ARMC2: variants seen among roughly 807,000 people sequenced by gnomAD.
The protein encoded by ARMC2 is armadillo repeat containing 2.
ARMC2 carries 67 observed loss-of-function variants against 90.3 expected under a neutral mutation model. That is an observed-to-expected ratio of 0.74 (90% CI 0.61 to 0.91). The LOEUF is 0.91. Ranked by LOEUF, ARMC2 falls within the 40% of genes least tolerant of loss-of-function variation. ARMC2 has a pLI of 0.00. For missense variants in ARMC2, 920 were observed against 1,030.9 expected (o/e 0.89, Z 1.47); for synonymous variants, 393 against 393.0 (o/e 1.00, Z 0.00).
At chr6:108,877,123 A>G (rs984122724) in intron 5 of ARMC2, among the ~76,000 whole-genome samples, 3 of 152,246 alleles carry the variant, frequency 2.0e-5, no homozygotes, top group African/African-American at 4.8e-5. Flanking sequence ...GAACTGGACA[A>G]GGTCACTCAG....
the ARMC2 span, among the ~76,000 whole-genome samples, chr6:109,035,309 C>T: frequency 7.2e-5 from 11 of 152,132 alleles, no homozygotes; most frequent in Admixed American, 7.2e-4. Flanking sequence ...CCCCTAACTT[C>T]AGAGAGCTAA....
chr6:108,909,012 A>G lies in ARMC2; in HGVS notation c.1024-1887A>G, dbSNP rs549612261. On this transcript the variant is annotated intron_variant, in intron 8 of 17. Transcript: ENST00000392644. ...TTGAGCCCAGGAAGCAGAGATTGCA[A>G]TGAGCCTAGATCATGCCCTTGCACT... 4.6e-5 allele frequency among the ~76,000 whole-genome samples: 7 copies of G among 152,328 alleles called. No individual in the cohort carries two copies. The South Asian group carries it at 6.2e-4, about 14-fold the overall frequency.
At position 108,868,848 on chromosome 6, in the gene ARMC2, A is replaced by T. The variant is rs1776096842; in HGVS notation, c.316A>T (p.Thr106Ser). 3.7e-6 allele frequency: 6 copies of T among 1,613,214 alleles called. No individual in the cohort carries two copies. Among genetic ancestry groups the T allele is most frequent in the Non-Finnish European group, 5.1e-6 (6 of 1,179,602 alleles). ...ELKPKVPASPTREEDSCFSFP... is the reference protein window; with the variant it reads ...ELKPKVPASPSREEDSCFSFP... ...GAAACCGAAAGTTCCAGCATCTCCC[A>T]CCAGAGAGGAGGATTCCTGCTTTTC... The change falls in exon 4 of 18, where the codon ACC (threonine) becomes TCC (serine). Residue 106 changes from threonine (T) to serine (S), a missense_variant. Transcript: ENST00000392644.
At chr6:109,038,029 T>C in the ARMC2 span, among the ~76,000 whole-genome samples, 2 of 152,252 alleles carry the variant, frequency 1.3e-5, no homozygotes, top group African/African-American at 4.8e-5. Context: ...AAATCATGTC[T>C]ATATGAGTAT....
chr6:108,974,154 CTG>C lies in ARMC2; in HGVS notation c.*644_*645del, dbSNP rs1778929645. 6.6e-6 allele frequency: 1 copy of C among 152,186 alleles called. No homozygotes were observed. 9.4% of individuals were successfully genotyped at this position (152,186 alleles called of 1,614,324 possible). On this transcript the variant is annotated 3_prime_UTR_variant, in exon 18 of 18. Transcript: ENST00000392644. The stretch of plus-strand genomic sequence containing the variant: ...AGACAGTCCTTCTAATTGTAACTCT[CTG>C]TGTTTGACAGGTGAGGTAATGTATT...
chr6:108,909,932 C>G (rs1437557348), intron 8 of ARMC2, among the ~76,000 whole-genome samples: 1 of 152,118 alleles, frequency 6.6e-6, no homozygotes, highest in Non-Finnish European at 1.5e-5. Flanking sequence ...TCAAATTAAG[C>G]AGTATTACTT....
chr6:108,862,134 A>G (rs1775305510), intron 3 of ARMC2, among the ~76,000 whole-genome samples: 1 of 152,116 alleles, frequency 6.6e-6, no homozygotes, highest in African/African-American at 2.4e-5. Flanking sequence ...ACCTGAGATC[A>G]TGAGTTCGAG....
intron 10 of ARMC2, among the ~76,000 whole-genome samples, chr6:108,922,158 G>T (rs771190224): frequency 1.3e-5 from 2 of 152,180 alleles, no homozygotes; most frequent in Non-Finnish European, 2.9e-5. Context: ...TGTGGAGGTT[G>T]CCCCACCTCG....
the ARMC2 span, among the ~76,000 whole-genome samples, chr6:109,004,818 G>T: frequency 6.6e-6 from 1 of 152,136 alleles, no homozygotes; most frequent in Non-Finnish European, 1.5e-5. Flanking sequence ...CAAAACAACT[G>T]CAAGTTAACT....
At chr6:109,009,286 T>G in the ARMC2 span, 4 of 1,335,582 alleles carry the variant, frequency 3.0e-6, no homozygotes, top group Non-Finnish European at 3.9e-6. Context: ...ACCTCCGTGT[T>G]GCACAGGGCA....
At chr6:108,989,429 A>G in the ARMC2 span, among the ~76,000 whole-genome samples, 1 of 147,782 alleles carries the variant, frequency 6.8e-6, no homozygotes, top group African/African-American at 2.6e-5. Flanking sequence ...CTAGAGATAT[A>G]TATCTAGATC....
Position 108,899,903 on chromosome 6 carries a change from T to C in ARMC2, c.847+111T>C. ...TGATATTTTTAGTAAGTTTTCACTATCATTTCTGTGAACATGTTCAAAAAC... is the reference window on the plus strand; with the variant it reads ...TGATATTTTTAGTAAGTTTTCACTACCATTTCTGTGAACATGTTCAAAAAC... On this transcript the variant is annotated intron_variant, in intron 7 of 17. Transcript: ENST00000392644. 3.8e-6 allele frequency: 3 copies of C among 786,390 alleles called. No homozygotes were observed. The South Asian group carries it at 5.2e-5, about 14-fold the overall frequency. 48.7% of individuals were successfully genotyped at this position (786,390 alleles called of 1,614,324 possible).
In ARMC2 at chr6:108,965,154, C is replaced by CTAT. The variant is rs1266370445; in HGVS notation, c.2446+15_2446+17dup. 6.3e-7 allele frequency: 1 copy of CTAT among 1,588,836 alleles called. No individual in the cohort carries two copies. The highest frequency in any genetic ancestry group is 8.6e-7 in the Non-Finnish European group (1 of 1,159,698). On this transcript the variant is annotated intron_variant, in intron 17 of 17. Coordinates refer to ENST00000392644, the MANE Select transcript of ARMC2 (RefSeq NM_032131.6). ...CATCATTTTTAGGTAAGACTCTTGA[C>CTAT]TATGATGAGTCTGTGAGTTTTATCA... is the stretch of plus-strand genomic sequence containing the variant.
the ARMC2 span, among the ~76,000 whole-genome samples, chr6:109,045,581 A>C: frequency 6.6e-6 from 1 of 152,190 alleles, no homozygotes; most frequent in Non-Finnish European, 1.5e-5. Context: ...AATCTCTCTG[A>C]CCAGAGCACC....
At chr6:108,951,724 G>A (rs758901331) in intron 12 of ARMC2, among the ~76,000 whole-genome samples, 6 of 152,246 alleles carry the variant, frequency 3.9e-5, no homozygotes, top group Non-Finnish European at 5.9e-5. Flanking sequence ...GGCCCCTGGC[G>A]TCGCACCTGG....
rs1345751380 is a variant in ARMC2, at chr6:108,868,978, C to G, written c.446C>G (p.Ser149Cys). The G allele has an allele frequency of 6.2e-7, 1 of 1,612,578 alleles. No individual in the cohort carries two copies. The highest frequency in any genetic ancestry group is 1.3e-5 in the African/African-American group (1 of 74,854). ...CAGCGGGCCCTTCTGCCGGACAGAT[C>G]CCTTCCTCCCTCCGACTGTAAGGCC... ...ASQRALLPDR[S>C]LPPSDSKKTV... Residue 149 changes from serine (S) to cysteine (C), a missense_variant, in exon 4 of 18, where the codon TCC becomes TGC. Coordinates refer to ENST00000392644, the MANE Select transcript of ARMC2 (RefSeq NM_032131.6).
At chr6:109,034,833 A>G in the ARMC2 span, among the ~76,000 whole-genome samples, 362 of 152,336 alleles carry the variant, frequency 2.4e-3, 1 homozygote, top group African/African-American at 8.3e-3. Context: ...ACAACAGAGA[A>G]GGGATTTGAG....
the ARMC2 span, among the ~76,000 whole-genome samples, chr6:109,006,057 G>T: frequency 6.6e-6 from 1 of 152,150 alleles, no homozygotes; most frequent in Non-Finnish European, 1.5e-5. Context: ...TAGGGCTCAT[G>T]ATAATAAATA....
At chr6:108,961,514 G>A (rs960809375) in intron 13 of ARMC2, 58 bp from the exon 14 acceptor site, 10 of 1,514,874 alleles carry the variant, frequency 6.6e-6, no homozygotes, top group Middle Eastern at 2.0e-4. Flanking sequence ...TAGTTGCAAC[G>A]TAGTTGGTTC....
Sources: allele counts gnomAD v4.1 joint callset (sites outside exome capture counted in the v4.1 genomes callset), GRCh38; gene constraint gnomAD v4.1.1; transcripts MANE v1.5; gene names NCBI Gene and HGNC (gene_info 2026-07-23, HGNC 2026-07-21).